The following ST6GAL1 variants were observed in gnomAD, a reference collection of about 807,000 sequenced individuals.
ST6GAL1 encodes the protein ST6 beta-galactoside alpha-2,6-sialyltransferase 1.
Under a neutral mutation model 38.0 loss-of-function variants are expected in ST6GAL1, and 20 were observed. The ratio of observed to expected loss-of-function variants is 0.53; its 90% CI spans 0.37 to 0.77. ST6GAL1 has a LOEUF of 0.77. Ranked by LOEUF, ST6GAL1 falls within the 30% of genes least tolerant of loss-of-function variation. ST6GAL1 has a pLI of 0.00. For synonymous variants in ST6GAL1, 196 were observed against 188.2 expected (o/e 1.04, Z -0.34); for missense variants, 432 against 496.4 (o/e 0.87, Z 1.23).
intron 2 of ST6GAL1, among the ~76,000 whole-genome samples, chr3:187,012,247 A>AT (rs938446493): frequency 5.4e-5 from 8 of 148,762 alleles, no homozygotes; most frequent in African/African-American, 1.5e-4. Flanking sequence ...TATTTACTGC[A>AT]TTTTTTTTCA....
chr3:186,993,421 A>G (rs1024986370), intron 2 of ST6GAL1, among the ~76,000 whole-genome samples: 5 of 152,230 alleles, frequency 3.3e-5, no homozygotes, highest in South Asian at 4.1e-4. Flanking sequence ...CAAGCGTGTT[A>G]GCGAGATGGA....
At chr3:186,969,969 T>C (rs931063212) in intron 2 of ST6GAL1, among the ~76,000 whole-genome samples, 3 of 152,188 alleles carry the variant, frequency 2.0e-5, no homozygotes, top group African/African-American at 7.2e-5. Context: ...CCTTTTCTTT[T>C]TATTTAACTT....
chr3:186,964,930 G>A (rs57914650), intron 2 of ST6GAL1, among the ~76,000 whole-genome samples: 13,567 of 152,208 alleles, frequency 0.089, 808 homozygotes, highest in East Asian at 0.22. Flanking sequence ...GTGAATAAAT[G>A]AAAGTGAGAT....
At chr3:186,970,244 G>T (rs1579282025) in intron 2 of ST6GAL1, among the ~76,000 whole-genome samples, 2 of 137,568 alleles carry the variant, frequency 1.5e-5, no homozygotes, top group African/African-American at 5.5e-5. Context: ...AGACAGAGTT[G>T]CACTCTGTCA....
intron 2 of ST6GAL1, among the ~76,000 whole-genome samples, chr3:187,026,986 T>C (rs1367173032): frequency 6.7e-6 from 1 of 149,368 alleles, no homozygotes; most frequent in Non-Finnish European, 1.5e-5. Context: ...GAGGCAGAGC[T>C]TGCAGTGAGC....
chr3:187,000,119 T>C (rs1716566426), intron 2 of ST6GAL1, among the ~76,000 whole-genome samples: 1 of 152,208 alleles, frequency 6.6e-6, no homozygotes, highest in Non-Finnish European at 1.5e-5. Flanking sequence ...TGAGTCATGG[T>C]GCCCAGCCAA....
chr3:187,027,790 A>G (rs1313252401), intron 2 of ST6GAL1, among the ~76,000 whole-genome samples: 1 of 152,126 alleles, frequency 6.6e-6, no homozygotes, highest in Admixed American at 6.5e-5. Context: ...GAGTATAGGT[A>G]GAGAAAGGGC....
intron 3 of ST6GAL1, among the ~76,000 whole-genome samples, chr3:187,042,360 T>A (rs1213968967): frequency 6.6e-6 from 1 of 152,140 alleles, no homozygotes; most frequent in East Asian, 1.9e-4. Flanking sequence ...GAAACTAATA[T>A]TCAGCATAGA....
chr3:187,063,922 G>T (rs1046097594), intron 5 of ST6GAL1, among the ~76,000 whole-genome samples: 3 of 151,996 alleles, frequency 2.0e-5, no homozygotes, highest in Middle Eastern at 6.8e-3. Flanking sequence ...TTTTTTTTAG[G>T]ATCAAAGGAG....
chr3:186,990,994 T>C (rs1179563860), intron 2 of ST6GAL1, among the ~76,000 whole-genome samples: 1 of 152,104 alleles, frequency 6.6e-6, no homozygotes, highest in African/African-American at 2.4e-5. Flanking sequence ...AGTATTGGCG[T>C]GAATCAGCTT....
chr3:186,999,011 T>C (rs1394979872), intron 2 of ST6GAL1, among the ~76,000 whole-genome samples: 1 of 152,224 alleles, frequency 6.6e-6, no homozygotes, highest in Non-Finnish European at 1.5e-5. Flanking sequence ...GGCCTCTCCC[T>C]CCTCTTCCCA....
chr3:186,973,087 G>A (rs1402068430), intron 2 of ST6GAL1, among the ~76,000 whole-genome samples: 1 of 152,152 alleles, frequency 6.6e-6, no homozygotes, highest in Non-Finnish European at 1.5e-5. Context: ...CCAGGCTGGA[G>A]TGCAATGGTA....
chr3:187,004,559 C>A (rs1421740772), intron 2 of ST6GAL1, among the ~76,000 whole-genome samples: 1 of 152,116 alleles, frequency 6.6e-6, no homozygotes, highest in Non-Finnish European at 1.5e-5. Context: ...CAGAGTGGAC[C>A]AAGGTAGCAA....
chr3:187,056,995 T>G (rs1718725689), intron 5 of ST6GAL1, among the ~76,000 whole-genome samples: 2 of 152,198 alleles, frequency 1.3e-5, no homozygotes, highest in Non-Finnish European at 1.5e-5. Flanking sequence ...GAGGCTTTGT[T>G]TGTTTCTTTT....
chr3:187,024,044 G>GTATATATATACATATATATGTTT (rs1287703326), intron 2 of ST6GAL1, among the ~76,000 whole-genome samples: 22 of 151,444 alleles, frequency 1.5e-4, no homozygotes, highest in East Asian at 3.9e-4. Context: ...ATCCTTTTGG[G>GTATATATATACATATATATGTTT]TATATATATA....
chr3:186,984,559 C>T (rs575000697), intron 2 of ST6GAL1, among the ~76,000 whole-genome samples: 5 of 152,222 alleles, frequency 3.3e-5, no homozygotes, highest in African/African-American at 1.2e-4. Context: ...TTGAGCCTTG[C>T]CGCAAACACG....
At chr3:187,048,090 C>T (rs1308924504) in intron 4 of ST6GAL1, among the ~76,000 whole-genome samples, 1 of 151,930 alleles carries the variant, frequency 6.6e-6, no homozygotes, top group African/African-American at 2.4e-5. Context: ...TTACAGGCGC[C>T]TGCCACCATA....
Position 187,051,330 on chromosome 3 carries a change from G to C in ST6GAL1, c.689G>C (p.Arg230Pro). Residue 230 changes from arginine (R) to proline (P), a missense_variant, in exon 5 of 8, where the codon CGC becomes CCC. By Grantham distance (103) the Arg-to-Pro change is moderately radical (BLOSUM62 -2). Transcript: ENST00000169298. ...GATGTGGGCACAAAAACTACCATTC[G>C]CCTGATGAACTCTCAGGTAAAATTT... is the stretch of plus-strand genomic sequence containing the variant. ...QQDVGTKTTI[R>P]LMNSQLVTTE... is the part of the protein sequence containing the mutation. 6.2e-7 allele frequency: 1 copy of C among 1,614,046 alleles called. No homozygotes were observed. Among genetic ancestry groups the C allele is most frequent in the Non-Finnish European group, 8.5e-7 (1 of 1,179,940 alleles).
intron 2 of ST6GAL1, among the ~76,000 whole-genome samples, chr3:187,003,988 C>T (rs1251620655): frequency 1.3e-5 from 2 of 152,168 alleles, no homozygotes; most frequent in East Asian, 3.8e-4. Context: ...ATGTAACCCC[C>T]AGTGCTGGAG....
Sources: allele counts gnomAD v4.1 joint callset (sites outside exome capture counted in the v4.1 genomes callset), GRCh38; gene constraint gnomAD v4.1.1; transcripts MANE v1.5; gene names NCBI Gene and HGNC (gene_info 2026-07-23, HGNC 2026-07-21).